The following ZFHX3 variants were observed in gnomAD, a reference collection of about 807,000 sequenced individuals.
The protein encoded by ZFHX3 is zinc finger homeobox protein 3.
Under a neutral mutation model 279.1 loss-of-function variants are expected in ZFHX3, and 42 were observed. The ratio of observed to expected loss-of-function variants is 0.15; its 90% CI spans 0.12 to 0.19. ZFHX3 has a LOEUF of 0.19. Ranked by LOEUF, ZFHX3 falls within the 10% of genes least tolerant of loss-of-function variation. ZFHX3 has a pLI of 1.00. For synonymous variants in ZFHX3, 2,293 were observed against 1,957.8 expected (o/e 1.17, Z -4.52); for missense variants, 4,981 against 4,754.0 (o/e 1.05, Z -1.40).
At chr16:72,876,500 C>T (rs1207359739) in intron 4 of ZFHX3, among the ~76,000 whole-genome samples, 1 of 152,048 alleles carries the variant, frequency 6.6e-6, no homozygotes, top group Admixed American at 6.5e-5. Context: ...CACGAGGCAT[C>T]GCCCGTTGGA....
intron 5 of ZFHX3, among the ~76,000 whole-genome samples, chr16:73,181,819 C>A (rs1967802500): frequency 6.6e-6 from 1 of 152,086 alleles, no homozygotes; most frequent in South Asian, 2.1e-4. Flanking sequence ...TGTAAAGGCA[C>A]CAGCTGAAGG....
At chr16:72,977,349 T>TGCACA (rs1788298847) in intron 1 of ZFHX3, among the ~76,000 whole-genome samples, 1 of 152,174 alleles carries the variant, frequency 6.6e-6, no homozygotes, top group Admixed American at 6.5e-5. Flanking sequence ...CTCACTGCAC[T>TGCACA]GCACAAGGAG....
At chr16:73,515,210 CT>C (rs1181169746) in intron 2 of ZFHX3, among the ~76,000 whole-genome samples, 1 of 152,180 alleles carries the variant, frequency 6.6e-6, no homozygotes, top group Non-Finnish European at 1.5e-5. Flanking sequence ...CCAGTGGAAA[CT>C]TAACAAGTCT....
At chr16:73,476,035 T>C (rs1567495236) in intron 2 of ZFHX3, among the ~76,000 whole-genome samples, 1 of 152,160 alleles carries the variant, frequency 6.6e-6, no homozygotes, top group Non-Finnish European at 1.5e-5. Flanking sequence ...GAACAGGAAA[T>C]CTTGCATAAT....
intron 2 of ZFHX3, among the ~76,000 whole-genome samples, chr16:73,535,749 G>A (rs1597373091): frequency 6.9e-6 from 1 of 144,392 alleles, no homozygotes; most frequent in African/African-American, 2.6e-5. Flanking sequence ...CTTAGAAGGA[G>A]TCTCCCTCTG....
At chr16:73,484,100 C>T (rs2018928050) in intron 2 of ZFHX3, among the ~76,000 whole-genome samples, 1 of 152,042 alleles carries the variant, frequency 6.6e-6, no homozygotes, top group South Asian at 2.1e-4. Context: ...TGCCCGAGCC[C>T]AGGGGCTGCA....
chr16:73,357,349 G>C (rs1381629073), intron 3 of ZFHX3, among the ~76,000 whole-genome samples: 3 of 150,802 alleles, frequency 2.0e-5, no homozygotes, highest in Admixed American at 6.6e-5. Context: ...AATTGAGAGA[G>C]AGAGAGAAAA....
chr16:73,142,424 A>C (rs951341051), intron 6 of ZFHX3, among the ~76,000 whole-genome samples: 5 of 152,220 alleles, frequency 3.3e-5, no homozygotes, highest in Non-Finnish European at 7.3e-5. Context: ...GTTACCTTTG[A>C]AATACAATCA....
At position 73,723,146 on chromosome 16, in the gene ZFHX3, C is replaced by T. The variant is rs1017983117; in HGVS notation, c.-1607-42906G>A. Among the ~76,000 whole-genome samples the T allele has an allele frequency of 2.6e-5, 4 of 152,120 alleles. No individual in the cohort carries two copies. In the East Asian group the frequency reaches 7.7e-4, roughly 29 times the overall value. On this transcript the variant is annotated intron_variant, in intron 1 of 17. Transcript: ENST00000641206. Reference sequence around the variant, plus strand: ...CAATATCCACTATGAGAAACACAACCCCATTGGCCACGGACTGATCTTTCA... The same window carrying T: ...CAATATCCACTATGAGAAACACAACTCCATTGGCCACGGACTGATCTTTCA...
At chr16:73,153,647 TTTTTA>T (rs1555501382) in intron 5 of ZFHX3, among the ~76,000 whole-genome samples, 1 of 152,072 alleles carries the variant, frequency 6.6e-6, no homozygotes. Flanking sequence ...AAGCACTCTT[TTTTTA>T]TTTTATTTTA....
chr16:73,247,746 G>T (rs561725390), intron 5 of ZFHX3, among the ~76,000 whole-genome samples: 1 of 148,304 alleles, frequency 6.7e-6, no homozygotes, highest in South Asian at 2.1e-4. Context: ...GCCTGTATGC[G>T]GAGTGTATGA....
intron 1 of ZFHX3, among the ~76,000 whole-genome samples, chr16:72,995,790 G>A (rs527353324): frequency 6.6e-6 from 1 of 152,150 alleles, no homozygotes; most frequent in African/African-American, 2.4e-5. Flanking sequence ...AAAGCTCTGG[G>A]CCTGGCCAAA....
intron 5 of ZFHX3, among the ~76,000 whole-genome samples, chr16:73,245,093 G>T (rs541706417): frequency 7.9e-5 from 12 of 152,242 alleles, no homozygotes; most frequent in African/African-American, 2.9e-4. Flanking sequence ...AACTCCACTT[G>T]TATGGACAAT....
intron 4 of ZFHX3, among the ~76,000 whole-genome samples, chr16:72,839,710 G>A (rs1426509114): frequency 6.6e-6 from 1 of 152,012 alleles, no homozygotes; most frequent in African/African-American, 2.4e-5. Flanking sequence ...TAACCATTTT[G>A]TGGATTCAGA....
intron 2 of ZFHX3, among the ~76,000 whole-genome samples, chr16:73,511,148 T>A (rs1055454803): frequency 1.3e-5 from 2 of 152,232 alleles, no homozygotes; most frequent in African/African-American, 2.4e-5. Context: ...AAATTGCTTC[T>A]ACCTTTTATT....
intron 3 of ZFHX3, chr16:73,420,079 T>G (rs1027990428): frequency 6.6e-6 from 1 of 152,026 alleles, no homozygotes; most frequent in Non-Finnish European, 1.5e-5. Context: ...GCTAATTTTT[T>G]GTACTTTTTC....
chr16:73,056,274 CTA>C (rs1395436752), intron 1 of ZFHX3, among the ~76,000 whole-genome samples: 3 of 152,170 alleles, frequency 2.0e-5, no homozygotes, highest in Non-Finnish European at 4.4e-5. Context: ...TGTCTGTATT[CTA>C]TCTCTCTTCT....
At chr16:72,883,419 C>G (rs1297334997) in intron 4 of ZFHX3, among the ~76,000 whole-genome samples, 1 of 152,184 alleles carries the variant, frequency 6.6e-6, no homozygotes, top group Non-Finnish European at 1.5e-5. Flanking sequence ...AGCACCACCA[C>G]CATTCTGAGC....
In ZFHX3 at chr16:73,808,471, G is replaced by C. The variant is rs1469283360; in HGVS notation, c.-1608+83180C>G. ...AGGAGTCCTTCTACTTTTTGTTTCA[G>C]GTATACAGAAGATGGTTGGATACAT... On this transcript the variant is annotated intron_variant, in intron 1 of 17. Transcript: ENST00000641206. 3 of 152,152 alleles carry C rather than the reference G, an allele frequency of 2.0e-5. 1 individual carries two copies. Among genetic ancestry groups the C allele is most frequent in the African/African-American group, 7.2e-5 (3 of 41,432 alleles). The allele number at this position is 152,152 out of a possible 1,614,324, so 9.4% of individuals were successfully genotyped here.
Sources: gnomAD v4.1 joint callset for allele counts (sites outside exome capture counted in the v4.1 genomes callset) on GRCh38, gnomAD v4.1.1 for gene constraint, MANE v1.5 for transcripts, NCBI Gene and HGNC (gene_info 2026-07-23, HGNC 2026-07-21) for gene names.